SLC17A8: variants seen among roughly 807,000 people sequenced by gnomAD.
The protein encoded by SLC17A8 is solute carrier family 17 member 8, also known as vesicular glutamate transporter 3.
Under a neutral mutation model 58.0 loss-of-function variants are expected in SLC17A8, and 31 were observed. The observed-to-expected ratio is 0.53, with a 90% CI of 0.40 to 0.72. The LOEUF is 0.72. Among genes scored for constraint, SLC17A8 ranks in the 30% least tolerant of loss-of-function variants. The pLI is 0.00. For synonymous variants in SLC17A8, 228 were observed against 249.0 expected (o/e 0.92, Z 0.79); for missense variants, 655 against 727.8 (o/e 0.90, Z 1.15).
rs1268539759 is a variant in SLC17A8, at chr12:100,389,828, TTATTAC to T, written c.355-1168_355-1163del. On this transcript the variant is annotated intron_variant, in intron 2 of 11. Transcript: ENST00000323346. ...TGTATTATTATTATTATTATTATTA[TTATTAC>T]TATTGAGATGGAGTCTCTCTCAGTC... 3.4e-5 allele frequency among the ~76,000 whole-genome samples: 5 copies of T among 148,904 alleles called. No individual in the cohort carries two copies. The East Asian group carries it at 5.9e-4, about 17-fold the overall frequency.
intron 1 of SLC17A8, among the ~76,000 whole-genome samples, chr12:100,377,544 G>A (rs371339607): frequency 2.0e-5 from 3 of 147,624 alleles, no homozygotes; most frequent in East Asian, 2.0e-4. Flanking sequence ...GATTGGAGAA[G>A]TGAGGCATCC....
At chr12:100,403,005 C>G (rs1279547479) in intron 8 of SLC17A8, among the ~76,000 whole-genome samples, 1 of 152,120 alleles carries the variant, frequency 6.6e-6, no homozygotes, top group African/African-American at 2.4e-5. Flanking sequence ...GTTTTTGAAG[C>G]TAGCTCAAGG....
chr12:100,377,568 G>GATATATAT (rs1203225174), intron 1 of SLC17A8, among the ~76,000 whole-genome samples: 50 of 121,308 alleles, frequency 4.1e-4, no homozygotes, highest in Middle Eastern at 4.3e-3. Context: ...ATGGCTTCAA[G>GATATATAT]ATATATATAT....
At chr12:100,373,577 CT>C (rs11296057) in intron 1 of SLC17A8, among the ~76,000 whole-genome samples, 34,228 of 87,284 alleles carry the variant, frequency 0.39, 5,477 homozygotes, top group East Asian at 0.84. Context: ...AAATCAGTGA[CT>C]TTTTTTTTTT....
chr12:100,358,279 A>G (rs1681734399), intron 1 of SLC17A8, among the ~76,000 whole-genome samples: 1 of 152,218 alleles, frequency 6.6e-6, no homozygotes, highest in South Asian at 2.1e-4. Flanking sequence ...TATCTCTCTG[A>G]TATAAATAAA....
chr12:100,364,789 T>G (rs886987760), intron 1 of SLC17A8, among the ~76,000 whole-genome samples: 1 of 152,176 alleles, frequency 6.6e-6, no homozygotes, highest in African/African-American at 2.4e-5. Context: ...TATCCTTACC[T>G]TTGAATGTTT....
At chr12:100,395,170 T>C (rs1952744246) in intron 4 of SLC17A8, among the ~76,000 whole-genome samples, 1 of 152,104 alleles carries the variant, frequency 6.6e-6, no homozygotes, top group South Asian at 2.1e-4. Flanking sequence ...TAAAGACCTT[T>C]TCCCCCATCT....
intron 2 of SLC17A8, among the ~76,000 whole-genome samples, chr12:100,386,022 C>G (rs1952672153): frequency 1.3e-5 from 2 of 152,138 alleles, no homozygotes; most frequent in South Asian, 4.1e-4. Flanking sequence ...TCTTTTGTCT[C>G]AAATCTCCAT....
intron 2 of SLC17A8, among the ~76,000 whole-genome samples, chr12:100,385,598 A>G (rs1952668940): frequency 6.6e-6 from 1 of 152,114 alleles, no homozygotes; most frequent in Admixed American, 6.5e-5. Flanking sequence ...GGAGAATCCC[A>G]TGTTGCGGGG....
Position 100,409,145 on chromosome 12 carries a change from TTATGTATGTATGTATGTATG to T in SLC17A8, c.1187-3589_1187-3570del, listed in dbSNP as rs4015905. ...TTCCTTTGCATTAATTCATTAAACG[TTATGTATGTATGTATGTATG>T]TATGTATGTATGTATGTATGTATGT... On this transcript the variant is annotated intron_variant, in intron 9 of 11. Coordinates refer to ENST00000323346, the MANE Select transcript of SLC17A8 (RefSeq NM_139319.3). Among the ~76,000 whole-genome samples, 1,074 of 143,786 alleles carry T rather than the reference TTATGTATGTATGTATGTATG, an allele frequency of 7.5e-3. 14 individuals are homozygous for T. The highest frequency in any genetic ancestry group is 0.026 in the African/African-American group (1,028 of 39,108). The allele number at this position is 143,786 out of a possible 152,430, so 94.3% of individuals were successfully genotyped here.
At chr12:100,414,957 G>C (rs577396042) in intron 10 of SLC17A8, among the ~76,000 whole-genome samples, 1 of 152,294 alleles carries the variant, frequency 6.6e-6, no homozygotes, top group East Asian at 1.9e-4. Flanking sequence ...CAAGGGCAGA[G>C]CAATCACGAT....
chr12:100,366,420 T>C (rs1389103375), intron 1 of SLC17A8, among the ~76,000 whole-genome samples: 2 of 152,186 alleles, frequency 1.3e-5, no homozygotes, highest in South Asian at 2.1e-4. Flanking sequence ...ACTCCACTTA[T>C]TACCTGACCC....
chr12:100,404,938 T>C (rs1191455900), intron 9 of SLC17A8, among the ~76,000 whole-genome samples: 3 of 152,204 alleles, frequency 2.0e-5, no homozygotes, highest in Non-Finnish European at 4.4e-5. Flanking sequence ...TCTGGAGGAC[T>C]AGTCAGGATG....
At chr12:100,404,235 G>T in intron 9 of SLC17A8, 65 bp downstream of exon 9, 1 of 1,597,124 alleles carries the variant, frequency 6.3e-7, no homozygotes, top group East Asian at 2.2e-5. Flanking sequence ...GAACTGCAGA[G>T]CATATATTAA....
Position 100,418,117 on chromosome 12 carries a change from G to A in SLC17A8, c.1386G>A (p.Met462Ile). Reference sequence around the variant, plus strand: ...ACGGAGTGGGAACCCTCTCTGGAATGGTCTGTCCCCTCATTGTCGGTGCAA... The same window carrying A: ...ACGGAGTGGGAACCCTCTCTGGAATAGTCTGTCCCCTCATTGTCGGTGCAA... Reference protein sequence around the residue: ...ISNGVGTLSGMVCPLIVGAMT... With the variant: ...ISNGVGTLSGIVCPLIVGAMT... The change falls in exon 11 of 12, where the codon ATG (methionine) becomes ATA (isoleucine). Residue 462 changes from methionine (M) to isoleucine (I), a missense_variant. Transcript: ENST00000323346. 6.2e-7 allele frequency: 1 copy of A among 1,614,102 alleles called. No homozygotes were observed. Among genetic ancestry groups the A allele is most frequent in the Non-Finnish European group, 8.5e-7 (1 of 1,180,014 alleles).
intron 1 of SLC17A8, among the ~76,000 whole-genome samples, chr12:100,359,580 C>T (rs2135965560): frequency 6.6e-6 from 1 of 152,244 alleles, no homozygotes; most frequent in South Asian, 2.1e-4. Flanking sequence ...TGTAGAATGG[C>T]TTTAGAAAAA....
At chr12:100,396,514 C>T (rs1021314258) in intron 5 of SLC17A8, 97 bp downstream of exon 5, 6 of 918,870 alleles carry the variant, frequency 6.5e-6, no homozygotes, top group Non-Finnish European at 8.8e-6. Context: ...TTAGGGAGGC[C>T]GAGGCAGGAG....
In SLC17A8 at chr12:100,421,342, A is replaced by G. The variant is rs1208884293; in HGVS notation, c.*1183A>G. 6.6e-6 allele frequency: 1 copy of G among 152,172 alleles called. No homozygotes were observed. Among genetic ancestry groups the G allele is most frequent in the Non-Finnish European group, 1.5e-5 (1 of 68,004 alleles). The allele number at this position is 152,172 out of a possible 1,614,324, so 9.4% of individuals were successfully genotyped here. ...TTATGATTTTGTATCAAAAGTATTC[A>G]TGATGACTCTATTTGGAATGATATT... On this transcript the variant is annotated 3_prime_UTR_variant, in exon 12 of 12. Coordinates refer to ENST00000323346, the MANE Select transcript of SLC17A8 (RefSeq NM_139319.3).
At chr12:100,371,990 A>G (rs745707324) in intron 1 of SLC17A8, among the ~76,000 whole-genome samples, 1 of 152,214 alleles carries the variant, frequency 6.6e-6, no homozygotes, top group Non-Finnish European at 1.5e-5. Flanking sequence ...AACCTCGTGG[A>G]GTCCCTAGAG....
Sources: allele counts gnomAD v4.1 joint callset (sites outside exome capture counted in the v4.1 genomes callset), GRCh38; gene constraint gnomAD v4.1.1; transcripts MANE v1.5; gene names NCBI Gene and HGNC (gene_info 2026-07-23, HGNC 2026-07-21).